The following EIF2B3 variants were observed in gnomAD, a reference collection of about 807,000 sequenced individuals.
EIF2B3 encodes eukaryotic translation initiation factor 2B subunit gamma, also known as translation initiation factor eIF2B subunit gamma.
Under a neutral mutation model 54.1 loss-of-function variants are expected in EIF2B3, and 20 were observed. The ratio of observed to expected loss-of-function variants is 0.37; its 90% CI spans 0.26 to 0.54. The LOEUF (loss-of-function observed/expected upper bound fraction) is 0.54, where lower values mean the gene tolerates loss of function less well. Among genes scored for constraint, EIF2B3 ranks in the 20% least tolerant of loss-of-function variants. The pLI is 0.86. For synonymous variants in EIF2B3, 153 were observed against 188.1 expected, an observed-to-expected ratio of 0.81 and a Z score of 1.52; for missense variants, 448 against 547.8, an observed-to-expected ratio of 0.82 and a Z score of 1.82.
chr1:44,892,101 C>T (rs1226925137), intron 6 of EIF2B3, among the ~76,000 whole-genome samples: 2 of 152,126 alleles, frequency 1.3e-5, no homozygotes, highest in Non-Finnish European at 2.9e-5. Flanking sequence ...AGGGTTAATA[C>T]AACTTTTATA....
intron 4 of EIF2B3, among the ~76,000 whole-genome samples, chr1:44,941,116 A>G (rs1384450725): frequency 1.3e-5 from 2 of 152,092 alleles, no homozygotes; most frequent in Non-Finnish European, 2.9e-5. Flanking sequence ...CAAACTCCTG[A>G]CCTTGTGATC....
At chr1:44,901,849 T>G (rs141843315) in intron 5 of EIF2B3, among the ~76,000 whole-genome samples, 1 of 152,298 alleles carries the variant, frequency 6.6e-6, no homozygotes, top group East Asian at 1.9e-4. Flanking sequence ...CAAGAGCCAC[T>G]GCACCCGGCC....
chr1:44,853,336 C>T (rs935364369), intron 11 of EIF2B3, among the ~76,000 whole-genome samples: 1 of 152,042 alleles, frequency 6.6e-6, no homozygotes. Context: ...CTAGGCCGGG[C>T]GTGGTGGCTC....
intron 5 of EIF2B3, among the ~76,000 whole-genome samples, chr1:44,918,080 T>A (rs1643665116): frequency 7.4e-6 from 1 of 135,678 alleles, no homozygotes; most frequent in Non-Finnish European, 1.6e-5. Flanking sequence ...GCCTTTTTTT[T>A]TTTTTTTTTT....
intron 3 of EIF2B3, among the ~76,000 whole-genome samples, chr1:44,942,932 G>A (rs182010038): frequency 2.3e-3 from 355 of 151,684 alleles, no homozygotes; most frequent in Non-Finnish European, 2.2e-3. Flanking sequence ...CTCGGCTCAC[G>A]GCAAGCTCCG....
At chr1:44,985,724 G>A (rs1434444606) in intron 1 of EIF2B3, among the ~76,000 whole-genome samples, 1 of 152,228 alleles carries the variant, frequency 6.6e-6, no homozygotes, top group Non-Finnish European at 1.5e-5. Flanking sequence ...AACTAATCAT[G>A]CTACCAGGCA....
chr1:44,938,021 G>C (rs1643974348), intron 4 of EIF2B3, among the ~76,000 whole-genome samples: 1 of 149,228 alleles, frequency 6.7e-6, no homozygotes, highest in African/African-American at 2.5e-5. Flanking sequence ...AGAAGAAAGT[G>C]CAAGGGGAAG....
chr1:44,875,932 G>A (rs1233233427), intron 8 of EIF2B3, among the ~76,000 whole-genome samples: 2 of 152,226 alleles, frequency 1.3e-5, no homozygotes, highest in South Asian at 2.1e-4. Flanking sequence ...TTGCAGGCGC[G>A]CGCCGCCACG....
chr1:44,916,127 T>A (rs1304279118), intron 5 of EIF2B3, among the ~76,000 whole-genome samples: 1 of 152,190 alleles, frequency 6.6e-6, no homozygotes, highest in African/African-American at 2.4e-5. Flanking sequence ...TTCCTATAGT[T>A]GTTGTGTGTC....
chr1:44,956,129 G>A (rs979401743), intron 3 of EIF2B3, among the ~76,000 whole-genome samples: 1 of 152,172 alleles, frequency 6.6e-6, no homozygotes, highest in Non-Finnish European at 1.5e-5. Flanking sequence ...ACCCATTGAT[G>A]ATAGGCTAGA....
At chr1:44,955,394 C>T (rs896124890) in intron 3 of EIF2B3, among the ~76,000 whole-genome samples, 14 of 152,066 alleles carry the variant, frequency 9.2e-5, no homozygotes, top group African/African-American at 3.4e-4. Context: ...AAACGTAAGA[C>T]CCAAAACCAT....
chr1:44,959,306 A>C, intron 3 of EIF2B3: 1 of 639,254 alleles, frequency 1.6e-6, no homozygotes, highest in South Asian at 1.6e-5. Context: ...GAAACCAGCA[A>C]CAGCTTATTT....
At chr1:44,875,983 G>C (rs113679082) in intron 8 of EIF2B3, among the ~76,000 whole-genome samples, 1 of 152,198 alleles carries the variant, frequency 6.6e-6, no homozygotes, top group Admixed American at 6.5e-5. Context: ...GACGGGTTTC[G>C]CTGTGTTGGC....
chr1:44,966,113 A>G (rs898913723), intron 3 of EIF2B3, among the ~76,000 whole-genome samples: 5 of 152,172 alleles, frequency 3.3e-5, no homozygotes, highest in South Asian at 2.1e-4. Flanking sequence ...TCTTAGCCCT[A>G]TGAACTCTCA....
intron 5 of EIF2B3, among the ~76,000 whole-genome samples, chr1:44,920,903 C>T (rs1643726261): frequency 6.6e-6 from 1 of 152,138 alleles, no homozygotes; most frequent in South Asian, 2.1e-4. Context: ...TGGGTATATA[C>T]CTAGGAGTGG....
At chr1:44,925,028 G>C (rs1643824659) in intron 5 of EIF2B3, 1 of 152,120 alleles carries the variant, frequency 6.6e-6, no homozygotes, top group Non-Finnish European at 1.5e-5. Context: ...TCTGAGACCA[G>C]CTACCATGTA....
Position 44,981,049 on chromosome 1 carries a change from C to T in EIF2B3, c.120G>A (p.Leu40=). Residue 40 remains leucine, a synonymous_variant, in exon 2 of 12, where the codon TTG becomes TTA. Transcript: ENST00000360403. ...CAAATCCAACACGCTCAAGCAGGTT[C>T]AATGGGTACCAAATTAAAGGTTTGT... ...VGNKPLIWYP[L]NLLERVGFEE... The T allele has an allele frequency of 1.9e-6, 3 of 1,613,656 alleles. No individual in the cohort carries two copies. The highest frequency in any genetic ancestry group is 2.5e-6 in the Non-Finnish European group (3 of 1,179,998).
intron 2 of EIF2B3, 83 bp from the exon 3 acceptor site, chr1:44,978,543 C>T (rs1435318413): frequency 6.5e-5 from 92 of 1,423,464 alleles, no homozygotes; most frequent in Non-Finnish European, 7.9e-5. Context: ...TAGATTTGGT[C>T]TATTTCTAGG....
At chr1:44,895,836 A>T (rs1655952545) in intron 6 of EIF2B3, among the ~76,000 whole-genome samples, 1 of 152,208 alleles carries the variant, frequency 6.6e-6, no homozygotes, top group East Asian at 1.9e-4. Flanking sequence ...TTTCCATAGT[A>T]AATCATTTTT....
Sources: gnomAD v4.1 joint callset for allele counts (sites outside exome capture counted in the v4.1 genomes callset) on GRCh38, gnomAD v4.1.1 for gene constraint, MANE v1.5 for transcripts, NCBI Gene and HGNC (gene_info 2026-07-23, HGNC 2026-07-21) for gene names.